Variants in FUCA1 observed in about 807,000 individuals in gnomAD.
FUCA1 encodes alpha-L-fucosidase 1.
Under a neutral mutation model 56.8 loss-of-function variants are expected in FUCA1, and 52 were observed. That is an observed-to-expected ratio of 0.92 (90% CI 0.73 to 1.15). FUCA1 has a LOEUF of 1.15. Among genes scored for constraint, FUCA1 ranks in the 50% most tolerant of loss-of-function variants. The pLI is 0.00. For missense variants in FUCA1, 568 were observed against 592.6 expected (o/e 0.96, Z 0.43); for synonymous variants, 230 against 226.6 (o/e 1.02, Z -0.14).
chr1:23,857,535 T>C (rs935625733), intron 4 of FUCA1, among the ~76,000 whole-genome samples: 4 of 152,104 alleles, frequency 2.6e-5, no homozygotes, highest in Non-Finnish European at 5.9e-5. Flanking sequence ...TCTCGCTCTG[T>C]TGCGCAGGCT....
At position 23,847,944 on chromosome 1, in the gene FUCA1, C is replaced by T. The variant is rs571411505; in HGVS notation, c.1160+705G>A. Among the ~76,000 whole-genome samples, 16 of 152,210 alleles carry T rather than the reference C, an allele frequency of 1.1e-4. 1 individual carries two copies. In the South Asian group the frequency reaches 3.3e-3, roughly 32 times the overall value. On this transcript the variant is annotated intron_variant, in intron 6 of 7. Coordinates refer to ENST00000374479, the MANE Select transcript of FUCA1 (RefSeq NM_000147.5). The stretch of plus-strand genomic sequence containing the variant: ...GGCTGAGGCAGGAGAATTGCTTGAA[C>T]CTTGGAGGCAGAGGTTGCAGTGAGC...
In FUCA1 at chr1:23,867,897, C is replaced by G. The variant is rs2148450411; in HGVS notation, c.389+1G>C. ...GCGCCGCTCCCCGGGACCACACTCA[C>G]TTGGCGCCCGCGGCCTGGAAGAGGT... On this transcript the variant is annotated splice_donor_variant, in intron 1 of 7. Transcript: ENST00000374479. LOFTEE classifies it high-confidence loss of function. This position sits in a 1 kb window ranked among gnomAD's most constrained non-coding sequence, Gnocchi z 4.9. 1.9e-6 allele frequency: 3 copies of G among 1,547,240 alleles called. No individual in the cohort carries two copies. The highest frequency in any genetic ancestry group is 2.6e-6 in the Non-Finnish European group (3 of 1,146,104).
intron 4 of FUCA1, among the ~76,000 whole-genome samples, chr1:23,857,560 C>T (rs1253447417): frequency 1.3e-5 from 2 of 151,944 alleles, no homozygotes; most frequent in Non-Finnish European, 2.9e-5. Flanking sequence ...TACAGTGGCA[C>T]GATCTCTGCT....
intron 6 of FUCA1, among the ~76,000 whole-genome samples, chr1:23,847,703 T>A (rs1369757575): frequency 6.6e-6 from 1 of 152,092 alleles, no homozygotes; most frequent in Non-Finnish European, 1.5e-5. Flanking sequence ...AACTGTGAGC[T>A]AAATAAACCT....
chr1:23,846,454 A>G (rs1433204246), intron 6 of FUCA1, among the ~76,000 whole-genome samples: 1 of 151,960 alleles, frequency 6.6e-6, no homozygotes, highest in Non-Finnish European at 1.5e-5. Context: ...TATTTTTAGT[A>G]GAGATGGCAT....
chr1:23,857,855 A>G (rs186695862), intron 4 of FUCA1, among the ~76,000 whole-genome samples: 135 of 151,638 alleles, frequency 8.9e-4, no homozygotes, highest in African/African-American at 2.8e-3. Context: ...TTTTCAGTAG[A>G]GACGGGGTTT....
At chr1:23,862,827 C>A (rs1639536382) in intron 3 of FUCA1, among the ~76,000 whole-genome samples, 2 of 152,158 alleles carry the variant, frequency 1.3e-5, no homozygotes, top group South Asian at 4.1e-4. Context: ...CGATGCCAAA[C>A]CACCCCCTCT....
Position 23,845,822 on chromosome 1 carries a change from A to C in FUCA1, c.1294T>G (p.Trp432Gly). Residue 432 changes from tryptophan to glycine, a missense_variant, in exon 8 of 8, where the codon TGG becomes GGG. Trp to Gly is a radical substitution (Grantham distance 184). Transcript: ENST00000374479. ...AGACCTTTATCTGGATCTGTGGACC[A>C]CTTCAGATCTCCTTGAATTCCCAGC... ...TMLGIQGDLK[W>G]STDPDKGLFI... is the part of the protein sequence containing the mutation. The C allele has an allele frequency of 6.2e-7, 1 of 1,614,072 alleles. No individual in the cohort carries two copies. The highest frequency in any genetic ancestry group is 8.5e-7 in the Non-Finnish European group (1 of 1,179,928).
rs767828761 is a variant in FUCA1, at chr1:23,854,375, T to C, written c.954A>G (p.Glu318=). ...RDMALSDVTE[E]SEIISELVQT... The stretch of plus-strand genomic sequence containing the variant: ...GTGCTCTTACCGAAATGATTTCAGA[T>C]TCTTCTGTAACATCAGACAATGCCA... Residue 318 remains glutamate (E), a synonymous_variant, in exon 5 of 8, where the codon GAA becomes GAG. Transcript: ENST00000374479. 20 of 1,613,490 alleles carry C rather than the reference T, an allele frequency of 1.2e-5. No individual in the cohort carries two copies. In the Middle Eastern group the frequency reaches 4.9e-4, roughly 40 times the overall value.
chr1:23,853,753 G>A (rs904938389), intron 5 of FUCA1, among the ~76,000 whole-genome samples: 4 of 151,338 alleles, frequency 2.6e-5, no homozygotes, highest in Non-Finnish European at 4.4e-5. Flanking sequence ...CCTGTTGATC[G>A]GTGACCCTAC....
chr1:23,865,387 C>T, intron 2 of FUCA1, 104 bp downstream of exon 2: 1 of 1,482,598 alleles, frequency 6.7e-7, no homozygotes, highest in Non-Finnish European at 9.4e-7. Flanking sequence ...CTTCAGGCTA[C>T]TTGCTATATG....
At chr1:23,853,190 C>T (rs1178097882) in intron 5 of FUCA1, among the ~76,000 whole-genome samples, 2 of 149,818 alleles carry the variant, frequency 1.3e-5, no homozygotes, top group South Asian at 2.1e-4. Flanking sequence ...AGGTGAGGAG[C>T]GTCTCTGCCC....
chr1:23,857,827 C>T (rs1474224818), intron 4 of FUCA1, among the ~76,000 whole-genome samples: 2 of 151,378 alleles, frequency 1.3e-5, no homozygotes, highest in Non-Finnish European at 2.9e-5. Flanking sequence ...AAAAATTAGG[C>T]CCGGCCTAAT....
intron 4 of FUCA1, among the ~76,000 whole-genome samples, chr1:23,858,470 T>C (rs1238422739): frequency 2.0e-5 from 3 of 152,198 alleles, no homozygotes; most frequent in Non-Finnish European, 4.4e-5. Flanking sequence ...ACATGTACAA[T>C]CGTGAAATTT....
At chr1:23,860,516 G>A (rs1217068945) in intron 3 of FUCA1, among the ~76,000 whole-genome samples, 41 of 150,748 alleles carry the variant, frequency 2.7e-4, no homozygotes, top group African/African-American at 7.5e-4. Flanking sequence ...CCTGGGAGGC[G>A]GAGCTTGCAG....
At chr1:23,865,722 T>G (rs1191358995) in intron 1 of FUCA1, 97 bp from the exon 2 acceptor site, 4 of 1,333,418 alleles carry the variant, frequency 3.0e-6, no homozygotes, top group Non-Finnish European at 2.2e-6. Flanking sequence ...CTGAAAGAAC[T>G]TGACCACAAC....
chr1:23,846,152 A>G lies in FUCA1; in HGVS notation c.1182T>C (p.Ala394=). ...TSVWYTSKGS[A]VYAIFLHWPE... is the part of the protein sequence containing the mutation. ...GCCAGTGCAGAAAAATGGCATAAAC[A>G]GCCGATCCCTTTGAGGTATACCTGG... The change falls in exon 7 of 8, where the codon GCT becomes GCC. Residue 394 remains alanine, a synonymous_variant. Coordinates refer to ENST00000374479, the MANE Select transcript of FUCA1 (RefSeq NM_000147.5). The G allele has an allele frequency of 6.2e-7, 1 of 1,614,062 alleles. No individual in the cohort carries two copies. Among genetic ancestry groups the G allele is most frequent in the Non-Finnish European group, 8.5e-7 (1 of 1,179,880 alleles).
intron 3 of FUCA1, among the ~76,000 whole-genome samples, chr1:23,860,490 A>C (rs1235527843): frequency 2.0e-5 from 3 of 150,014 alleles, no homozygotes; most frequent in Non-Finnish European, 3.0e-5. Context: ...AGGCTGAGGC[A>C]GGAGAATGGC....
In FUCA1 at chr1:23,863,388, A is replaced by G. The variant is rs542708196; in HGVS notation, c.525-117T>C. The stretch of plus-strand genomic sequence containing the variant: ...GTGGCACTCACTCATAAGAGCATAT[A>G]GAGAGGAATGGGATCCAAAACCATT... On this transcript the variant is annotated intron_variant, in intron 2 of 7. Transcript: ENST00000374479. 7.6e-5 allele frequency: 75 copies of G among 985,896 alleles called. No homozygotes were observed. In the African/African-American group the frequency reaches 8.8e-4, roughly 12 times the overall value. 61.1% of individuals were successfully genotyped at this position (985,896 alleles called of 1,614,324 possible).
Sources: allele counts gnomAD v4.1 joint callset (sites outside exome capture counted in the v4.1 genomes callset), GRCh38; gene constraint gnomAD v4.1.1; non-coding constraint Gnocchi (gnomAD v3.1); transcripts MANE v1.5; gene names NCBI Gene and HGNC (gene_info 2026-07-23, HGNC 2026-07-21).